The following MCFD2 variants were observed in gnomAD, a reference collection of about 807,000 sequenced individuals.
MCFD2 encodes multiple coagulation factor deficiency protein 2.
MCFD2 carries 11 observed loss-of-function variants against 12.8 expected under a neutral mutation model. That is an observed-to-expected ratio of 0.86 (90% confidence interval 0.54 to 1.42). The LOEUF (loss-of-function observed/expected upper bound fraction) is 1.42, where lower values mean the gene tolerates loss of function less well. Ranked by LOEUF, MCFD2 falls within the 40% of genes most tolerant of loss-of-function variation. The probability of loss-of-function intolerance (pLI) is 0.00; values close to 1 mark genes in which losing one functional copy is unlikely to be tolerated. For synonymous variants in MCFD2, 70 were observed against 68.1 expected (o/e 1.03, Z -0.14); for missense variants, 191 against 178.6 (o/e 1.07, Z -0.40).
chr2:46,918,674 G>A (rs139049015), upstream of MCFD2, among the ~76,000 whole-genome samples: 364 of 152,328 alleles, frequency 2.4e-3, 1 homozygote, highest in Middle Eastern at 6.8e-3. Context: ...CTTATAAGCC[G>A]TAGTGAAACT....
At chr2:46,928,710 C>G (rs1357265365) in intron 1 of MCFD2, among the ~76,000 whole-genome samples, 1 of 151,486 alleles carries the variant, frequency 6.6e-6, no homozygotes, top group African/African-American at 2.4e-5. Flanking sequence ...GTTGAGGCTG[C>G]AGTGAGCTGT....
intron 1 of MCFD2, among the ~76,000 whole-genome samples, chr2:46,932,339 G>T (rs1048415149): frequency 6.6e-6 from 1 of 152,004 alleles, no homozygotes; most frequent in Non-Finnish European, 1.5e-5. Context: ...AGTAGAGATG[G>T]GGTTTCACCA....
upstream of MCFD2, chr2:46,915,944 G>A: frequency 1.0e-6 from 1 of 985,354 alleles, no homozygotes; most frequent in Non-Finnish European, 1.2e-6. Flanking sequence ...TAATCGGCCC[G>A]GGCCCAGCAC....
rs537555294 is a variant in MCFD2, at chr2:46,907,420, T to C, written c.309+390A>G. ...CTCTTTTTGAGACAAGGCCTCACTC[T>C]GTTGCCCAGGCTGAAGTGCGGTGGC... On this transcript the variant is annotated intron_variant, in intron 3 of 3. Coordinates refer to ENST00000319466, the MANE Select transcript of MCFD2 (RefSeq NM_139279.6). The surrounding 1 kb of genome is among the most constrained non-coding windows in gnomAD (Gnocchi z 4.1). The C allele has an allele frequency of 7.8e-4, 187 of 238,678 alleles. No individual in the cohort carries two copies. The highest frequency in any genetic ancestry group is 1.4e-3 in the South Asian group (25 of 17,988). 14.8% of individuals were successfully genotyped at this position (238,678 alleles called of 1,614,324 possible).
In MCFD2 at chr2:46,937,635, A is replaced by G. The variant is rs1670046100; in HGVS notation, c.-8+3937T>C. 6.6e-6 allele frequency among the ~76,000 whole-genome samples: 1 copy of G among 152,204 alleles called. No homozygotes were observed. The highest frequency in any genetic ancestry group is 2.4e-5 in the African/African-American group (1 of 41,460). The stretch of plus-strand genomic sequence containing the variant: ...ATTTATTTTGTAGAGACAGGGTCTC[A>G]CTAGATTGTCCAGGCTGGTCTTGAA... On this transcript the variant is annotated intron_variant, in intron 1 of 2. Transcript: ENST00000409147. This position sits in a 1 kb window ranked among gnomAD's most constrained non-coding sequence, Gnocchi z 4.0.
At chr2:46,928,568 G>A (rs184693233) in intron 1 of MCFD2, among the ~76,000 whole-genome samples, 7 of 151,464 alleles carry the variant, frequency 4.6e-5, no homozygotes, top group Admixed American at 2.0e-4. Context: ...TCAGGAGTTC[G>A]AGACCAACCT....
intron 1 of MCFD2, among the ~76,000 whole-genome samples, chr2:46,934,795 T>C: frequency 2.7e-5 from 3 of 110,992 alleles, no homozygotes; most frequent in East Asian, 2.6e-4. Context: ...CTCTTTTTTT[T>C]TTTTTTTTTT....
At chr2:46,927,713 A>G (rs1423033246) in intron 1 of MCFD2, among the ~76,000 whole-genome samples, 2 of 152,054 alleles carry the variant, frequency 1.3e-5, no homozygotes, top group Non-Finnish European at 2.9e-5. Flanking sequence ...CACAACAGGA[A>G]CAGTGGAAGC....
At chr2:46,915,926 T>G, upstream of MCFD2, 1 of 984,820 alleles carries the variant, frequency 1.0e-6, no homozygotes, top group Non-Finnish European at 1.2e-6. Context: ...CTCGCGTGAG[T>G]CCACGTGTAA....
intron 1 of MCFD2, among the ~76,000 whole-genome samples, chr2:46,932,690 T>A (rs1669769588): frequency 6.6e-6 from 1 of 151,740 alleles, no homozygotes; most frequent in Admixed American, 6.6e-5. Flanking sequence ...CACCTGAGTT[T>A]AGGAGTTCGA....
upstream of MCFD2, among the ~76,000 whole-genome samples, chr2:46,916,774 A>G (rs2103784800): frequency 6.6e-6 from 1 of 152,232 alleles, no homozygotes; most frequent in South Asian, 2.1e-4. Flanking sequence ...AGCTGGGATT[A>G]CAGGCGCGTG....
intron 1 of MCFD2, among the ~76,000 whole-genome samples, chr2:46,914,305 A>AG (rs1484217302): frequency 2.0e-5 from 3 of 152,180 alleles, no homozygotes; most frequent in African/African-American, 4.8e-5. Flanking sequence ...TTCTCCCTCA[A>AG]GGGGCCCTTG....
At position 46,937,597 on chromosome 2, in the gene MCFD2, A is replaced by G. The variant is rs150485752; in HGVS notation, c.-8+3975T>C. 6.2e-3 allele frequency among the ~76,000 whole-genome samples: 943 copies of G among 152,252 alleles called. 8 individuals carry two copies. The highest frequency in any genetic ancestry group is 0.024 in the Admixed American group (361 of 15,296). ...AAAAGTCAGAATGGAAAACCCCCCA[A>G]TGATGATTTTTTATTTATTTTGTAG... On this transcript the variant is annotated intron_variant, in intron 1 of 2. Transcript: ENST00000409147. The surrounding 1 kb of genome is among the most constrained non-coding windows in gnomAD (Gnocchi z 4.0).
rs1220018396 is a variant in MCFD2, at chr2:46,937,478, C to T, written c.-8+4094G>A. On this transcript the variant is annotated intron_variant, in intron 1 of 2. Transcript: ENST00000409147. The surrounding 1 kb of genome is among the most constrained non-coding windows in gnomAD (Gnocchi z 4.0). ...ACTCTTCAAGGCCTAAATGGGACTT[C>T]GAATTGTTTTAGGAACATATCATCC... Among the ~76,000 whole-genome samples the T allele has an allele frequency of 1.3e-5, 2 of 152,160 alleles. No homozygotes were observed. The highest frequency in any genetic ancestry group is 2.9e-5 in the Non-Finnish European group (2 of 68,028).
In MCFD2 at chr2:46,907,995, C is replaced by T; in HGVS notation, c.150-26G>A. On this transcript the variant is annotated intron_variant, in intron 2 of 3. Coordinates refer to ENST00000319466, the MANE Select transcript of MCFD2 (RefSeq NM_139279.6). This position sits in a 1 kb window ranked among gnomAD's most constrained non-coding sequence, Gnocchi z 4.1. Reference sequence around the variant, plus strand: ...CTAAAAATCAACAGTCAGGTTCAGGCCAATTGACAGATACTGGGATCATGC... The same window carrying T: ...CTAAAAATCAACAGTCAGGTTCAGGTCAATTGACAGATACTGGGATCATGC... 1 of 1,613,354 alleles carries T rather than the reference C, an allele frequency of 6.2e-7. No homozygotes were observed. Among genetic ancestry groups the T allele is most frequent in the Non-Finnish European group, 8.5e-7 (1 of 1,179,818 alleles).
In MCFD2 at chr2:46,940,274, C is replaced by T. The variant is rs1302241268; in HGVS notation, c.-8+1298G>A. ...TTAGGAGTCTGCTCAAAAGTTTGCC[C>T]TGACCCTGCTGTCTTTTGAGTCTTC... On this transcript the variant is annotated intron_variant, in intron 1 of 2. Transcript: ENST00000409147. The surrounding 1 kb of genome is among the most constrained non-coding windows in gnomAD (Gnocchi z 4.7). 6.6e-6 allele frequency among the ~76,000 whole-genome samples: 1 copy of T among 152,178 alleles called. No homozygotes were observed. The highest frequency in any genetic ancestry group is 1.5e-5 in the Non-Finnish European group (1 of 68,036).
upstream of MCFD2, among the ~76,000 whole-genome samples, chr2:46,920,281 T>C (rs1045691403): frequency 2.0e-5 from 3 of 152,184 alleles, no homozygotes; most frequent in Non-Finnish European, 4.4e-5. Flanking sequence ...ATGTTGTTGT[T>C]GTTTGGAGTT....
chr2:46,933,618 C>G (rs1669821967), intron 1 of MCFD2, among the ~76,000 whole-genome samples: 1 of 152,164 alleles, frequency 6.6e-6, no homozygotes, highest in African/African-American at 2.4e-5. Context: ...AGGATGTGCT[C>G]TGAGCCAATG....
At chr2:46,917,034 T>G, upstream of MCFD2, 3 of 603,188 alleles carry the variant, frequency 5.0e-6, 1 homozygote, top group South Asian at 5.9e-5. Context: ...ACAAAGAAAG[T>G]GGCTAAGTAG....
Sources: gnomAD v4.1 joint callset for allele counts (sites outside exome capture counted in the v4.1 genomes callset) on GRCh38, gnomAD v4.1.1 for gene constraint, Gnocchi (gnomAD v3.1) non-coding constraint, MANE v1.5 for transcripts, NCBI Gene and HGNC (gene_info 2026-07-23, HGNC 2026-07-21) for gene names.